Variants in LMO7 observed in about 807,000 individuals in gnomAD.
LMO7 encodes LIM domain 7.
Under a neutral mutation model 206.5 loss-of-function variants are expected in LMO7, and 120 were observed. That is an observed-to-expected ratio of 0.58 (90% CI 0.50 to 0.68). The LOEUF is 0.68. Ranked by LOEUF, LMO7 falls within the 30% of genes least tolerant of loss-of-function variation. The pLI is 0.00. For synonymous variants in LMO7, 706 were observed against 681.5 expected (o/e 1.04, Z -0.56); for missense variants, 1,959 against 1,957.9 (o/e 1.00, Z -0.01).
intron 26 of LMO7, among the ~76,000 whole-genome samples, chr13:75,847,091 T>G (rs2060063242): frequency 6.6e-6 from 1 of 151,328 alleles, no homozygotes; most frequent in African/African-American, 2.4e-5. Context: ...AAGCTTTGTA[T>G]GTACACAAAT....
At position 75,823,663 on chromosome 13, in the gene LMO7, A is replaced by T. The variant is rs749946070; in HGVS notation, c.2739A>T (p.Gln913His). 3 of 1,614,202 alleles carry T rather than the reference A, an allele frequency of 1.9e-6. No individual in the cohort carries two copies. The highest frequency in any genetic ancestry group is 2.5e-6 in the Non-Finnish European group (3 of 1,180,026). Residue 913 changes from glutamine to histidine, a missense_variant, in exon 15 of 31, where the codon CAA becomes CAT. Physicochemically the swap from Gln to His is conservative, Grantham distance 24. Coordinates refer to ENST00000377534, the MANE Select transcript of LMO7 (RefSeq NM_001306080.2). ...STPAPSPDASQLASSLSSQKE... is the reference protein window; with the variant it reads ...STPAPSPDASHLASSLSSQKE... ...CTGCACCAAGCCCGGACGCAAGCCA[A>T]CTGGCTTCAAGCTTATCTAGCCAGA...
chr13:75,776,161 G>GTATATATATATA (rs2050379972), intron 4 of LMO7, among the ~76,000 whole-genome samples: 1 of 16,876 alleles, frequency 5.9e-5, no homozygotes, highest in African/African-American at 1.6e-4. Flanking sequence ...TATATATATC[G>GTATATATATATA]GATATATATA....
At chr13:75,687,690 CTG>C (rs1463610199) in intron 1 of LMO7, among the ~76,000 whole-genome samples, 1 of 152,132 alleles carries the variant, frequency 6.6e-6, no homozygotes, top group Non-Finnish European at 1.5e-5. Context: ...ATTAATTCTA[CTG>C]TCTCCCACTA....
chr13:75,731,065 G>T (rs1405610239), intron 3 of LMO7, among the ~76,000 whole-genome samples: 22 of 151,816 alleles, frequency 1.4e-4, no homozygotes, highest in South Asian at 1.0e-3. Context: ...GGTCAATTTT[G>T]GAATAGGTGT....
upstream of LMO7, among the ~76,000 whole-genome samples, chr13:75,632,791 A>T (rs1479464841): frequency 4.6e-5 from 7 of 151,738 alleles, no homozygotes; most frequent in Admixed American, 4.6e-4. Flanking sequence ...AGGATTCAGC[A>T]TCTAGAATTT....
At chr13:75,731,768 C>T (rs928268956) in intron 3 of LMO7, among the ~76,000 whole-genome samples, 1 of 152,086 alleles carries the variant, frequency 6.6e-6, no homozygotes, top group African/African-American at 2.4e-5. Flanking sequence ...CGGCTGGTAT[C>T]AGTTGTTCCT....
At chr13:75,722,692 A>C (rs545838370) in intron 2 of LMO7, among the ~76,000 whole-genome samples, 1 of 152,224 alleles carries the variant, frequency 6.6e-6, no homozygotes, top group Non-Finnish European at 1.5e-5. Flanking sequence ...ATAAGTCATT[A>C]TATGAAAAAG....
intron 4 of LMO7, among the ~76,000 whole-genome samples, chr13:75,783,013 T>C (rs1399349374): frequency 6.6e-6 from 1 of 152,154 alleles, no homozygotes; most frequent in Non-Finnish European, 1.5e-5. Flanking sequence ...CCCACTGAAC[T>C]CAATAAATTT....
rs182701201 is a variant in LMO7, at chr13:75,684,809, A to G, written c.70-28373A>G. 1.2e-3 allele frequency among the ~76,000 whole-genome samples: 181 copies of G among 147,888 alleles called. 2 individuals carry two copies. Among genetic ancestry groups the G allele is most frequent in the African/African-American group, 4.4e-3 (171 of 39,242 alleles). The stretch of plus-strand genomic sequence containing the variant: ...TATGTGTATATATGTGTGTGTGTGT[A>G]TATGTATATACATATATACACACAC... On this transcript the variant is annotated intron_variant, in intron 1 of 30. Transcript: ENST00000377534.
chr13:75,804,574 A>G (rs377751167), intron 8 of LMO7, 33 bp downstream of exon 8: 2 of 1,596,606 alleles, frequency 1.3e-6, no homozygotes, highest in Non-Finnish European at 8.5e-7. Context: ...TGAGTTTCGT[A>G]TGCTTTTCGA....
At chr13:75,782,161 A>G (rs1416479612) in intron 4 of LMO7, among the ~76,000 whole-genome samples, 1 of 152,080 alleles carries the variant, frequency 6.6e-6, no homozygotes, top group African/African-American at 2.4e-5. Flanking sequence ...TTTGTCTTAA[A>G]CTAATTAGAA....
chr13:75,626,332 C>T (rs1034571603), intron 2 of LMO7, among the ~76,000 whole-genome samples: 6 of 151,548 alleles, frequency 4.0e-5, no homozygotes, highest in Admixed American at 1.3e-4. Flanking sequence ...AAAGGCACTC[C>T]TTACATGGTG....
intron 1 of LMO7, among the ~76,000 whole-genome samples, chr13:75,638,992 G>A (rs911357534): frequency 5.9e-5 from 9 of 152,042 alleles, no homozygotes; most frequent in African/African-American, 2.2e-4. Context: ...GTATATGTAT[G>A]TACATATATA....
intron 1 of LMO7, among the ~76,000 whole-genome samples, chr13:75,684,826 T>C (rs868076185): frequency 2.4e-4 from 33 of 139,290 alleles, no homozygotes; most frequent in South Asian, 1.2e-3. Context: ...TATACATATA[T>C]ACACACACGC....
rs564100438 is a variant in LMO7, at chr13:75,807,963, A to T, written c.1680A>T (p.Val560=). 1.2e-6 allele frequency: 2 copies of T among 1,613,944 alleles called. No homozygotes were observed. The highest frequency in any genetic ancestry group is 3.3e-5 in the Admixed American group (2 of 60,022). ...PPEIQAKFLC[V]LERTCPSKEK... ...AAATTCAAGCAAAATTTCTCTGTGT[A>T]CTTGAAAGGACATGCCCATCCAAAG... Residue 560 remains valine (V), a synonymous_variant, in exon 10 of 31, where the codon GTA becomes GTT. Coordinates refer to ENST00000377534, the MANE Select transcript of LMO7 (RefSeq NM_001306080.2).
Position 75,853,177 on chromosome 13 carries a change from G to A in LMO7, c.4450G>A (p.Ala1484Thr). The change falls in exon 28 of 31, where the codon GCT becomes ACT. Residue 1484 changes from alanine to threonine, a missense_variant. Physicochemically the swap from Ala to Thr is moderately conservative, Grantham distance 58 (BLOSUM62 0). Coordinates refer to ENST00000377534, the MANE Select transcript of LMO7 (RefSeq NM_001306080.2). ...PWLNQPTGFY[A>T]SSSVQDFSRP... is the part of the protein sequence containing the mutation. ...GCTCAATCAGCCCACAGGATTCTAT[G>A]CTTCTTCCTCTGTGCAAGACTTTAG... 6.2e-7 allele frequency: 1 copy of A among 1,614,062 alleles called. No homozygotes were observed.
chr13:75,842,710 A>G, intron 24 of LMO7, 141 bp from the exon 25 acceptor site: 1 of 593,642 alleles, frequency 1.7e-6, no homozygotes, highest in East Asian at 2.8e-5. Flanking sequence ...TCATTGAAAT[A>G]CCTTTGTATG....
rs1202182994 is a variant in LMO7, at chr13:75,850,740, T to C, written c.4364+1448T>C. On this transcript the variant is annotated intron_variant, in intron 27 of 30. Coordinates refer to ENST00000377534, the MANE Select transcript of LMO7 (RefSeq NM_001306080.2). ...CATTTACAGTAGGGATTGGTAAGCT[T>C]TTATGTATAAGGACTAGAGAGTAAA... Among the ~76,000 whole-genome samples the C allele has an allele frequency of 3.9e-5, 6 of 152,304 alleles. No individual in the cohort carries two copies. In the East Asian group the frequency reaches 9.6e-4, roughly 24 times the overall value.
chr13:75,800,629 T>C, intron 6 of LMO7, 55 bp from the exon 7 acceptor site: 1 of 1,498,762 alleles, frequency 6.7e-7, no homozygotes, highest in Non-Finnish European at 9.3e-7. Context: ...ACCGATTGAT[T>C]ATATTTTTTG....
Sources: allele counts gnomAD v4.1 joint callset (sites outside exome capture counted in the v4.1 genomes callset), GRCh38; gene constraint gnomAD v4.1.1; transcripts MANE v1.5; gene names NCBI Gene and HGNC (gene_info 2026-07-23, HGNC 2026-07-21).